The following SPATA16 variants were observed in gnomAD, a reference collection of about 807,000 sequenced individuals.
SPATA16 encodes spermatogenesis-associated protein 16.
Under a neutral mutation model 63.3 loss-of-function variants are expected in SPATA16, and 36 were observed. The ratio of observed to expected loss-of-function variants is 0.57; its 90% confidence interval spans 0.44 to 0.75. The LOEUF is 0.75. Among genes scored for constraint, SPATA16 ranks in the 30% least tolerant of loss-of-function variants. The pLI, the probability that SPATA16 is intolerant of heterozygous loss-of-function variation, is 0.00. For synonymous variants in SPATA16, 203 were observed against 216.7 expected, an observed-to-expected ratio of 0.94 and a Z score of 0.56; for missense variants, 646 against 679.3, an observed-to-expected ratio of 0.95 and a Z score of 0.54.
intron 4 of SPATA16, among the ~76,000 whole-genome samples, chr3:172,992,882 C>T (rs1379293080): frequency 1.3e-5 from 2 of 152,068 alleles, no homozygotes; most frequent in Non-Finnish European, 2.9e-5. Flanking sequence ...ACTGCCATGG[C>T]CAGGATTTTA....
At chr3:173,002,911 C>T (rs1200062250) in intron 4 of SPATA16, among the ~76,000 whole-genome samples, 1 of 152,084 alleles carries the variant, frequency 6.6e-6, no homozygotes, top group African/African-American at 2.4e-5. Context: ...AAATCAATTA[C>T]CATTGGGTTG....
intron 2 of SPATA16, among the ~76,000 whole-genome samples, chr3:173,067,032 T>C (rs1300357978): frequency 6.6e-6 from 1 of 152,034 alleles, no homozygotes; most frequent in Non-Finnish European, 1.5e-5. Context: ...GATAAATGCA[T>C]TGGAATTTCT....
intron 10 of SPATA16, among the ~76,000 whole-genome samples, chr3:172,891,315 G>A (rs555136103): frequency 1.3e-5 from 2 of 152,224 alleles, no homozygotes; most frequent in East Asian, 3.9e-4. Context: ...AAAAACAATT[G>A]TGTTCATTAA....
chr3:173,068,541 GACAA>G (rs1044541809), intron 2 of SPATA16, among the ~76,000 whole-genome samples: 155 of 152,110 alleles, frequency 1.0e-3, no homozygotes, highest in African/African-American at 3.6e-3. Flanking sequence ...TACTACCAGA[GACAA>G]ACAATACAAA....
chr3:173,052,268 T>G (rs1736118356), intron 2 of SPATA16, among the ~76,000 whole-genome samples: 1 of 152,076 alleles, frequency 6.6e-6, no homozygotes, highest in Non-Finnish European at 1.5e-5. Flanking sequence ...TCTCTGCTTG[T>G]ATAAGATTCA....
At chr3:173,075,746 A>C (rs1262279101) in intron 2 of SPATA16, among the ~76,000 whole-genome samples, 1 of 152,164 alleles carries the variant, frequency 6.6e-6, no homozygotes, top group African/African-American at 2.4e-5. Flanking sequence ...GATATACAGT[A>C]GAATGATGGT....
chr3:172,930,551 CTCT>C (rs1732845563), intron 6 of SPATA16, among the ~76,000 whole-genome samples: 1 of 135,142 alleles, frequency 7.4e-6, no homozygotes, highest in East Asian at 2.2e-4. Context: ...TCCATTCAAA[CTCT>C]TTTTTTTTTT....
At chr3:173,082,868 T>G (rs1288376686) in intron 2 of SPATA16, among the ~76,000 whole-genome samples, 1 of 152,136 alleles carries the variant, frequency 6.6e-6, no homozygotes, top group Admixed American at 6.6e-5. Context: ...CATCCAAGTT[T>G]TTTTTTCTAC....
At chr3:173,129,521 T>C (rs753207182) in intron 1 of SPATA16, among the ~76,000 whole-genome samples, 1 of 152,036 alleles carries the variant, frequency 6.6e-6, no homozygotes, top group Non-Finnish European at 1.5e-5. Context: ...GTGTTAAATA[T>C]TGTGCTCTCT....
chr3:173,115,568 C>T (rs910914711), intron 2 of SPATA16, among the ~76,000 whole-genome samples: 5 of 152,092 alleles, frequency 3.3e-5, no homozygotes, highest in African/African-American at 7.2e-5. Context: ...TAGAAGTTTA[C>T]GTAGTACATC....
At chr3:173,027,974 T>TCC (rs1735490836) in intron 3 of SPATA16, among the ~76,000 whole-genome samples, 4 of 23,402 alleles carry the variant, frequency 1.7e-4, no homozygotes, top group Non-Finnish European at 3.5e-4. Flanking sequence ...ATTTATTTTT[T>TCC]CTCCCTCCCT....
chr3:173,010,474 G>A (rs550432597), intron 4 of SPATA16, among the ~76,000 whole-genome samples: 1 of 150,308 alleles, frequency 6.7e-6, no homozygotes, highest in Non-Finnish European at 1.5e-5. Context: ...GTGTGTGTTT[G>A]TTTTTGTTTT....
At chr3:173,133,725 A>G (rs1229471271) in intron 1 of SPATA16, among the ~76,000 whole-genome samples, 1 of 152,220 alleles carries the variant, frequency 6.6e-6, no homozygotes, top group African/African-American at 2.4e-5. Flanking sequence ...ATCTCCAATT[A>G]TAGTGGGAAA....
At chr3:173,076,259 G>A (rs1232191315) in intron 2 of SPATA16, among the ~76,000 whole-genome samples, 4 of 152,042 alleles carry the variant, frequency 2.6e-5, no homozygotes, top group East Asian at 1.9e-4. Context: ...AGGTGTTTAT[G>A]TGCATATTTA....
At chr3:173,067,922 A>G (rs1736562503) in intron 2 of SPATA16, among the ~76,000 whole-genome samples, 1 of 152,246 alleles carries the variant, frequency 6.6e-6, no homozygotes, top group Non-Finnish European at 1.5e-5. Flanking sequence ...AGATTTCTCA[A>G]TGGAATCCTT....
intron 5 of SPATA16, among the ~76,000 whole-genome samples, chr3:172,973,272 T>A (rs1289532107): frequency 6.6e-6 from 1 of 152,174 alleles, no homozygotes; most frequent in Non-Finnish European, 1.5e-5. Context: ...TTCATGTGTG[T>A]GTGTGTTTAT....
At chr3:173,113,298 C>T (rs192801032) in intron 2 of SPATA16, among the ~76,000 whole-genome samples, 2 of 152,218 alleles carry the variant, frequency 1.3e-5, no homozygotes, top group South Asian at 2.1e-4. Flanking sequence ...CAGCTTACAC[C>T]TTTTGCCCTT....
intron 1 of SPATA16, among the ~76,000 whole-genome samples, chr3:173,119,398 ATGGCTC>A (rs1475572169): frequency 6.6e-6 from 1 of 152,202 alleles, no homozygotes; most frequent in Non-Finnish European, 1.5e-5. Context: ...AACTGTTCCT[ATGGCTC>A]TAACCTTTGA....
At chr3:173,085,223 C>A (rs1737022516) in intron 2 of SPATA16, among the ~76,000 whole-genome samples, 2 of 151,876 alleles carry the variant, frequency 1.3e-5, no homozygotes, top group Admixed American at 1.3e-4. Flanking sequence ...TGAAGAGGTC[C>A]TTCTCTTCCC....
Sources: allele counts gnomAD v4.1 joint callset (sites outside exome capture counted in the v4.1 genomes callset), GRCh38; gene constraint gnomAD v4.1.1; transcripts MANE v1.5; gene names NCBI Gene and HGNC (gene_info 2026-07-23, HGNC 2026-07-21).